TPTE: variants seen among roughly 807,000 people sequenced by gnomAD.
TPTE encodes transmembrane phosphatase with tensin homology.
TPTE carries 59 observed loss-of-function variants against 84.1 expected under a neutral mutation model. The observed-to-expected ratio is 0.70, with a 90% CI of 0.57 to 0.87. The LOEUF (loss-of-function observed/expected upper bound fraction) is 0.87. Ranked by LOEUF, TPTE falls within the 40% of genes least tolerant of loss-of-function variation. TPTE has a pLI of 0.00. For missense variants in TPTE, 382 were observed against 659.6 expected, an observed-to-expected ratio of 0.58 and a Z score of 4.61; for synonymous variants, 130 against 223.5, an observed-to-expected ratio of 0.58 and a Z score of 3.73.
Position 10,548,744 on chromosome 21 carries a change from C to T in TPTE, c.174-3913C>T, listed in dbSNP as rs552374390. Among the ~76,000 whole-genome samples, 18 of 152,426 alleles carry T rather than the reference C, an allele frequency of 1.2e-4. No homozygotes were observed. The South Asian group carries it at 3.3e-3, about 28-fold the overall frequency. Reference sequence around the variant, plus strand: ...TGAGTTTCCCCCAGCAGACTGGCCCCAGGCCAGATGAGCAGCTGTGTACCC... The same window carrying T: ...TGAGTTTCCCCCAGCAGACTGGCCCTAGGCCAGATGAGCAGCTGTGTACCC... On this transcript the variant is annotated intron_variant, in intron 7 of 23. Transcript: ENST00000618007.
At chr21:10,604,448 C>A (rs1979019761) in intron 23 of TPTE, among the ~76,000 whole-genome samples, 1 of 152,312 alleles carries the variant, frequency 6.6e-6, no homozygotes, top group Non-Finnish European at 1.5e-5. Flanking sequence ...GTTATTGTTA[C>A]ATCCAGTCCT....
rs1454766322 is a variant in TPTE at position 10,560,162 on chromosome 21, A to G, written c.284+618A>G. ...TGTTTTTCTTCCATCTGCAAAAGTAACATTAATGAAAATCAAATGTTAAAA... is the reference window on the plus strand; with the variant it reads ...TGTTTTTCTTCCATCTGCAAAAGTAGCATTAATGAAAATCAAATGTTAAAA... On this transcript the variant is annotated intron_variant, in intron 9 of 23. Coordinates refer to ENST00000618007, the MANE Select transcript of TPTE (RefSeq NM_199261.4). 2.6e-5 allele frequency among the ~76,000 whole-genome samples: 4 copies of G among 152,412 alleles called. No individual in the cohort carries two copies. The Middle Eastern group carries it at 0.01, about 389-fold the overall frequency.
At chr21:10,563,080 T>G (rs2074841482) in intron 10 of TPTE, among the ~76,000 whole-genome samples, 1 of 152,308 alleles carries the variant, frequency 6.6e-6, no homozygotes, top group South Asian at 2.1e-4. Flanking sequence ...TAGAAACGTT[T>G]CAGGCCAGGA....
intron 21 of TPTE, among the ~76,000 whole-genome samples, chr21:10,599,826 AG>A (rs1888996120): frequency 7.3e-6 from 1 of 137,896 alleles, no homozygotes; most frequent in Admixed American, 7.0e-5. Flanking sequence ...TTAGTTAGTT[AG>A]TTGGTTCTTT....
chr21:10,594,729 A>G (rs573745055), intron 19 of TPTE, among the ~76,000 whole-genome samples: 406 of 151,702 alleles, frequency 2.7e-3, no homozygotes, highest in Admixed American at 4.5e-3. Context: ...TAGCACACCA[A>G]AGGCTGCAAC....
intron 11 of TPTE, among the ~76,000 whole-genome samples, 186 bp from the exon 12 acceptor site, chr21:10,569,251 C>T (rs113017792): frequency 0.036 from 4,975 of 138,998 alleles, no homozygotes; most frequent in East Asian, 0.11. Flanking sequence ...CAGACACACA[C>T]ACACATGCAC....
intron 7 of TPTE, among the ~76,000 whole-genome samples, chr21:10,545,771 A>T (rs1053746884): frequency 1.3e-5 from 2 of 151,766 alleles, no homozygotes; most frequent in African/African-American, 4.8e-5. Flanking sequence ...AGATACACAT[A>T]TCTATATACA....
intron 8 of TPTE, 27 bp from the exon 9 acceptor site, chr21:10,559,467 T>C: frequency 6.2e-7 from 1 of 1,611,874 alleles, no homozygotes. Context: ...GAAATCTGAT[T>C]AATTTTATTT....
intron 7 of TPTE, among the ~76,000 whole-genome samples, chr21:10,549,853 A>G (rs1380429272): frequency 1.3e-5 from 2 of 152,234 alleles, no homozygotes; most frequent in African/African-American, 4.8e-5. Context: ...CCCCAAATAC[A>G]TTCAACCCAG....
At chr21:10,572,642 G>A (rs210516) in intron 14 of TPTE, among the ~76,000 whole-genome samples, 10,522 of 139,696 alleles carry the variant, frequency 0.075, 1 homozygote, top group African/African-American at 0.22. Context: ...CCAAGAATAC[G>A]ATACCTAGTA....
intron 18 of TPTE, among the ~76,000 whole-genome samples, chr21:10,591,283 C>T (rs1434120048): frequency 6.6e-6 from 1 of 152,310 alleles, no homozygotes; most frequent in Non-Finnish European, 1.5e-5. Flanking sequence ...TTTCCAGCAG[C>T]TCTGCTCGAG....
At chr21:10,595,592 T>TACC (rs2075566871) in intron 19 of TPTE, among the ~76,000 whole-genome samples, 1 of 152,310 alleles carries the variant, frequency 6.6e-6, no homozygotes, top group Non-Finnish European at 1.5e-5. Context: ...TTTTCACTTA[T>TACC]ACCATTCTCT....
At chr21:10,575,879 A>G (rs2075139698) in intron 14 of TPTE, among the ~76,000 whole-genome samples, 1 of 152,310 alleles carries the variant, frequency 6.6e-6, no homozygotes, top group Non-Finnish European at 1.5e-5. Context: ...ACAAAACCAC[A>G]ATGAGATACC....
chr21:10,525,854 G>C (rs1344071999), intron 2 of TPTE, among the ~76,000 whole-genome samples: 1 of 152,308 alleles, frequency 6.6e-6, no homozygotes, highest in African/African-American at 2.4e-5. Context: ...TAACATCTAT[G>C]GATGTCTCGT....
At chr21:10,553,239 C>G (rs1390582399) in intron 8 of TPTE, among the ~76,000 whole-genome samples, 1 of 152,298 alleles carries the variant, frequency 6.6e-6, no homozygotes, top group African/African-American at 2.4e-5. Context: ...CATGTACTCA[C>G]TGTAATGAAA....
intron 2 of TPTE, among the ~76,000 whole-genome samples, chr21:10,525,378 C>T (rs1873167835): frequency 6.6e-6 from 1 of 152,308 alleles, no homozygotes. Context: ...GCTTGATCCT[C>T]ATATGGTCCT....
At chr21:10,573,558 TAGAG>T (rs147012541) in intron 14 of TPTE, among the ~76,000 whole-genome samples, 982 of 150,416 alleles carry the variant, frequency 6.5e-3, no homozygotes, top group African/African-American at 0.017. Context: ...TATTTTTAAA[TAGAG>T]AGGATGTTGA....
At chr21:10,557,193 C>T (rs1243100882) in intron 8 of TPTE, among the ~76,000 whole-genome samples, 17 of 152,402 alleles carry the variant, frequency 1.1e-4, no homozygotes, top group East Asian at 3.9e-4. Context: ...GGCTATGCTT[C>T]GTGTTGCTTC....
At chr21:10,522,143 T>G (rs1321973996) in intron 1 of TPTE, among the ~76,000 whole-genome samples, 70 of 152,330 alleles carry the variant, frequency 4.6e-4, no homozygotes, top group African/African-American at 1.6e-3. Context: ...CTCGTTGTCT[T>G]GTCCCCCCCC....
Sources: allele counts gnomAD v4.1 joint callset (sites outside exome capture counted in the v4.1 genomes callset), GRCh38; gene constraint gnomAD v4.1.1; transcripts MANE v1.5; gene names NCBI Gene and HGNC (gene_info 2026-07-23, HGNC 2026-07-21).